The following STAG2 variants were observed in gnomAD, a reference collection of about 807,000 sequenced individuals.
The protein encoded by STAG2 is cohesin subunit SA-2.
STAG2 carries 14 observed loss-of-function variants against 108.1 expected under a neutral mutation model. The ratio of observed to expected loss-of-function variants is 0.13; its 90% confidence interval spans 0.09 to 0.20. The LOEUF is 0.20. Among genes scored for constraint, STAG2 ranks in the 10% least tolerant of loss-of-function variants. The pLI is 1.00. For missense variants in STAG2, 440 were observed against 940.9 expected, an observed-to-expected ratio of 0.47 and a Z score of 6.96; for synonymous variants, 307 against 302.7, an observed-to-expected ratio of 1.01 and a Z score of -0.15.
chrX:124,047,694 C>G (rs189394705), intron 9 of STAG2, among the ~76,000 whole-genome samples, 189 bp downstream of exon 9: 182 of 111,768 alleles, frequency 1.6e-3, no homozygotes, highest in African/African-American at 5.7e-3. Flanking sequence ...TTATTTTCAA[C>G]CTGCGTGGAC....
intron 1 of STAG2, among the ~76,000 whole-genome samples, chrX:123,979,391 C>T (rs1252223974): frequency 1.8e-5 from 2 of 111,544 alleles, no homozygotes; most frequent in Non-Finnish European, 3.8e-5. Context: ...TGCTTTAACC[C>T]CAGCACCTAG....
intron 25 of STAG2, among the ~76,000 whole-genome samples, chrX:124,072,807 T>G (rs2058698903): frequency 9.1e-6 from 1 of 109,470 alleles, no homozygotes; most frequent in African/African-American, 3.3e-5. Context: ...TTCAAATGGT[T>G]TTCCTGCCTT....
At chrX:124,071,116 G>C (rs757128750) in intron 24 of STAG2, 33 bp from the exon 25 acceptor site, 1 of 1,034,956 alleles carries the variant, frequency 9.7e-7, no homozygotes, top group Admixed American at 3.6e-5. Flanking sequence ...TTGGATTATA[G>C]CATGCTTTCC....
Position 124,028,818 on chromosome X carries a change from ATATAT to A in STAG2, c.124-2141_124-2137del, listed in dbSNP as rs1475593634. ...TTTATATATATATATATATATATAT[ATATAT>A]TTTTTTTTTTATAGAGATGGGGTCT... On this transcript the variant is annotated intron_variant, in intron 4 of 34. Coordinates refer to ENST00000371145, the MANE Select transcript of STAG2 (RefSeq NM_001042750.2). Among the ~76,000 whole-genome samples the A allele has an allele frequency of 7.8e-3, 271 of 34,601 alleles. 2 individuals are homozygous for A. Among genetic ancestry groups the A allele is most frequent in the Middle Eastern group, 0.066 (5 of 76 alleles). The allele number at this position is 34,601 out of a possible 115,157, so 30.0% of individuals were successfully genotyped here.
chrX:124,017,455 C>T (rs1042859886), intron 1 of STAG2, among the ~76,000 whole-genome samples: 1 of 111,255 alleles, frequency 9.0e-6, no homozygotes, highest in African/African-American at 3.3e-5. Flanking sequence ...CGTGATCTGC[C>T]CGCCTCAGCC....
chrX:124,061,866 G>A lies in STAG2; in HGVS notation c.1630G>A (p.Gly544Arg), dbSNP rs2148312566. 1 of 1,171,576 alleles carries A rather than the reference G, an allele frequency of 8.5e-7. No individual in the cohort carries two copies. Among genetic ancestry groups the A allele is most frequent in the Admixed American group, 2.3e-5 (1 of 42,799 alleles). Residue 544 changes from glycine to arginine, a missense_variant, in exon 17 of 35, where the codon GGA becomes AGA. By Grantham distance (125) the Gly-to-Arg change is moderately radical. This residue lies in a region of STAG2 where 337 missense variants were observed against 649.3 expected (regional missense o/e 0.52). Transcript: ENST00000371145. Reference sequence around the variant, plus strand: ...TCATCCTCCCGTGGGAAGAGGGACAGGAAAAAGGGTATGCCAATCAATGTC... The same window carrying A: ...TCATCCTCCCGTGGGAAGAGGGACAAGAAAAAGGGTATGCCAATCAATGTC... ...ECHPPVGRGT[G>R]KRVLTAKEKK...
rs770953290 is a variant in STAG2 at position 124,074,090 on chromosome X, TA to T, written c.2534-2238del. ...TGCAATTTACCTTTTTTCTTCTTTT[TA>T]AAATATGAAATGAGATCTTGCTATA... On this transcript the variant is annotated intron_variant, in intron 25 of 34. Coordinates refer to ENST00000371145, the MANE Select transcript of STAG2 (RefSeq NM_001042750.2). Among the ~76,000 whole-genome samples, 4 of 112,706 alleles carry T rather than the reference TA, an allele frequency of 3.5e-5. No homozygotes were observed. In the South Asian group the frequency reaches 1.5e-3, roughly 41 times the overall value.
chrX:124,082,269 T>C (rs779234296), intron 28 of STAG2, among the ~76,000 whole-genome samples: 2 of 111,931 alleles, frequency 1.8e-5, no homozygotes, highest in East Asian at 5.6e-4. Flanking sequence ...ATCTGCATAT[T>C]TTGTTGCCCT....
intron 1 of STAG2, among the ~76,000 whole-genome samples, chrX:123,997,933 G>T (rs1286505988): frequency 8.9e-6 from 1 of 112,040 alleles, no homozygotes; most frequent in African/African-American, 3.2e-5. Context: ...GAGCCACTGC[G>T]CCTGGTCCCT....
At position 123,973,571 on chromosome X, in the gene STAG2, G is replaced by A. The variant is rs186656207; in HGVS notation, c.-163+11715G>A. 2.7e-4 allele frequency among the ~76,000 whole-genome samples: 28 copies of A among 103,651 alleles called. No homozygotes were observed. The East Asian group carries it at 6.7e-3, about 25-fold the overall frequency. The allele number at this position is 103,651 out of a possible 115,157, so 90.0% of individuals were successfully genotyped here. On this transcript the variant is annotated intron_variant, in intron 1 of 34. Coordinates refer to ENST00000371145, the MANE Select transcript of STAG2 (RefSeq NM_001042750.2). ...AAAAAAAAAAAAAAATAGACTGGGC[G>A]CGGTGGCTCACACCTGTAATCCCAG...
intron 27 of STAG2, among the ~76,000 whole-genome samples, chrX:124,078,668 A>T (rs1172148810): frequency 1.8e-5 from 2 of 111,357 alleles, no homozygotes; most frequent in Non-Finnish European, 3.8e-5. Context: ...TAATTTTATA[A>T]CTAAAACACA....
At chrX:124,077,886 A>C in intron 26 of STAG2, 71 bp from the exon 27 acceptor site, 1 of 700,487 alleles carries the variant, frequency 1.4e-6, no homozygotes, top group African/African-American at 2.2e-5. Context: ...TTACATGACT[A>C]ACCTAAAATT....
At chrX:124,098,989 A>G (rs746987321) in intron 34 of STAG2, among the ~76,000 whole-genome samples, 1 of 112,163 alleles carries the variant, frequency 8.9e-6, no homozygotes, top group East Asian at 2.8e-4. Flanking sequence ...ATGTTTAAGT[A>G]TTTATTAATG....
At chrX:124,023,806 A>G (rs1022647980) in intron 3 of STAG2, among the ~76,000 whole-genome samples, 10 of 111,499 alleles carry the variant, frequency 9.0e-5, no homozygotes, top group African/African-American at 2.9e-4. Context: ...AATAATGAGG[A>G]CCTGAAATAG....
rs2148445569 is a variant in STAG2 at position 124,083,455 on chromosome X, C to T, written c.2959C>T (p.Pro987Ser). Residue 987 changes from proline to serine, a missense_variant, in exon 29 of 35, where the codon CCG becomes TCG. Transcript: ENST00000371145. ...GIEFAFKEPN[P>S]QGESHPPLNL... ...AGAATTTGCTTTTAAAGAGCCTAATCCGCAAGGGGAGAGCCATCCACCTTT... is the reference window on the plus strand; with the variant it reads ...AGAATTTGCTTTTAAAGAGCCTAATTCGCAAGGGGAGAGCCATCCACCTTT... 8.4e-7 allele frequency: 1 copy of T among 1,194,854 alleles called. No homozygotes were observed. The highest frequency in any genetic ancestry group is 1.1e-6 in the Non-Finnish European group (1 of 886,902).
At position 124,058,364 on chromosome X, in the gene STAG2, G is replaced by C. The variant is rs146803370; in HGVS notation, c.1416+387G>C. On this transcript the variant is annotated intron_variant, in intron 15 of 34. Transcript: ENST00000371145. ...GGGGTTTCACCATGTTGACCAGGCT[G>C]GTCTTAAACTCCTGACCTCAGGTGA... Among the ~76,000 whole-genome samples, 583 of 110,948 alleles carry C rather than the reference G, an allele frequency of 5.3e-3. 4 individuals carry two copies. Among genetic ancestry groups the C allele is most frequent in the African/African-American group, 0.017 (507 of 30,603 alleles).
chrX:124,083,430 A>T lies in STAG2; in HGVS notation c.2934A>T (p.Ile978=), dbSNP rs893273142. 1.7e-5 allele frequency: 20 copies of T among 1,178,215 alleles called. No individual in the cohort carries two copies. The highest frequency in any genetic ancestry group is 2.0e-5 in the Non-Finnish European group (18 of 880,677). ...EAIAMLHKDG[I]EFAFKEPNPQ... ...TTGTTTTCCTTTGCAGAGATGGCAT[A>T]GAATTTGCTTTTAAAGAGCCTAATC... is the stretch of plus-strand genomic sequence containing the variant. The change falls in exon 29 of 35, where the codon ATA becomes ATT. Residue 978 remains isoleucine, a synonymous_variant. Coordinates refer to ENST00000371145, the MANE Select transcript of STAG2 (RefSeq NM_001042750.2).
chrX:124,026,864 TA>T (rs941132791), intron 4 of STAG2, among the ~76,000 whole-genome samples: 9 of 112,137 alleles, frequency 8.0e-5, no homozygotes, highest in African/African-American at 2.6e-4. Context: ...AACTCTCTTT[TA>T]TTTTTTTTCT....
intron 1 of STAG2, among the ~76,000 whole-genome samples, chrX:124,016,700 C>T (rs1287216227): frequency 9.0e-6 from 1 of 111,401 alleles, no homozygotes; most frequent in Non-Finnish European, 1.9e-5. Context: ...GGCGCAGTGG[C>T]TCACACCTGT....
Sources: gnomAD v4.1 joint callset for allele counts (sites outside exome capture counted in the v4.1 genomes callset) on GRCh38, gnomAD v4.1.1 for gene constraint, gnomAD v4.1.1 regional missense constraint, MANE v1.5 for transcripts, NCBI Gene and HGNC (gene_info 2026-07-23, HGNC 2026-07-21) for gene names.